Variants in RASSF6 observed in about 807,000 individuals in gnomAD.
The protein encoded by RASSF6 is ras association domain-containing protein 6.
Under a neutral mutation model 44.0 loss-of-function variants are expected in RASSF6, and 52 were observed. The observed-to-expected ratio is 1.18, with a 90% CI of 0.95 to 1.49. The LOEUF is 1.49. Ranked by LOEUF, RASSF6 falls within the 40% of genes most tolerant of loss-of-function variation. The pLI is 0.00. For synonymous variants in RASSF6, 162 were observed against 124.6 expected, an observed-to-expected ratio of 1.30 and a Z score of -2.00; for missense variants, 464 against 393.3, an observed-to-expected ratio of 1.18 and a Z score of -1.52.
Position 73,598,700 on chromosome 4 carries a change from TA to T in RASSF6, c.83del (p.Leu28TyrfsTer2). ...TFITREQLNS[L>X]LKTYNIFYEN... ...CATAAAAAATGTTATAGGTCTTCAA[TA>T]AAGAATTAAGTTGTTCCCTAAAAAT... On this transcript the variant is annotated frameshift_variant, in exon 3 of 11. Coordinates refer to ENST00000307439, the MANE Select transcript of RASSF6 (RefSeq NM_177532.5). LOFTEE classifies it high-confidence loss of function. 1 of 1,413,966 alleles carries T rather than the reference TA, an allele frequency of 7.1e-7. No individual in the cohort carries two copies. The highest frequency in any genetic ancestry group is 9.6e-7 in the Non-Finnish European group (1 of 1,038,358). 87.6% of individuals were successfully genotyped at this position (1,413,966 alleles called of 1,614,324 possible).
chr4:73,589,934 G>A (rs1012143959), intron 4 of RASSF6, among the ~76,000 whole-genome samples: 1 of 152,088 alleles, frequency 6.6e-6, no homozygotes, highest in South Asian at 2.1e-4. Flanking sequence ...CACCACTGAC[G>A]TTATTCAAAT....
rs530088734 is a variant in RASSF6, at chr4:73,597,179, A to G, written c.144+1461T>C. 3.9e-5 allele frequency among the ~76,000 whole-genome samples: 6 copies of G among 152,352 alleles called. No homozygotes were observed. In the East Asian group the frequency reaches 1.2e-3, roughly 29 times the overall value. On this transcript the variant is annotated intron_variant, in intron 3 of 10. Transcript: ENST00000307439. ...GCAAAAGAAACTATCAATAGAGTAAACAGACAATCTACAGAATGGGAGAAT... is the reference window on the plus strand; with the variant it reads ...GCAAAAGAAACTATCAATAGAGTAAGCAGACAATCTACAGAATGGGAGAAT...
At chr4:73,601,086 T>C (rs1725252110) in intron 2 of RASSF6, among the ~76,000 whole-genome samples, 2 of 152,236 alleles carry the variant, frequency 1.3e-5, no homozygotes, top group African/African-American at 2.4e-5. Context: ...CAGCTTCTGC[T>C]TCTGATAAAA....
intron 6 of RASSF6, among the ~76,000 whole-genome samples, chr4:73,583,890 G>T (rs1723866369): frequency 6.6e-6 from 1 of 152,076 alleles, no homozygotes; most frequent in South Asian, 2.1e-4. Context: ...AAGCTCCAGG[G>T]CCCAAGCATT....
upstream of RASSF6, chr4:73,620,526 C>A: frequency 6.7e-7 from 1 of 1,491,062 alleles, no homozygotes; most frequent in Non-Finnish European, 9.0e-7. Context: ...TTGCAGTGCC[C>A]CCGACGCGAT....
At chr4:73,611,487 T>C (rs1027701661) in intron 2 of RASSF6, among the ~76,000 whole-genome samples, 2 of 152,146 alleles carry the variant, frequency 1.3e-5, no homozygotes, top group African/African-American at 4.8e-5. Flanking sequence ...ATCCCAACTA[T>C]TAAAACAGAA....
intron 8 of RASSF6, among the ~76,000 whole-genome samples, chr4:73,579,978 C>T (rs1352894148): frequency 3.3e-5 from 5 of 150,706 alleles, no homozygotes; most frequent in African/African-American, 7.3e-5. Flanking sequence ...CCCACTAACT[C>T]GTCATCTAGC....
intron 5 of RASSF6, among the ~76,000 whole-genome samples, chr4:73,585,712 T>C (rs1226707233): frequency 6.6e-6 from 1 of 152,026 alleles, no homozygotes; most frequent in African/African-American, 2.4e-5. Flanking sequence ...AACCTGATAC[T>C]TTATCAGGTT....
At chr4:73,585,429 T>G in intron 5 of RASSF6, 65 bp from the exon 6 acceptor site, 1 of 1,071,628 alleles carries the variant, frequency 9.3e-7, no homozygotes, top group African/African-American at 1.6e-5. Flanking sequence ...CTGAGTGGAT[T>G]TGTGTATGCT....
At chr4:73,600,292 A>T (rs945815823) in intron 2 of RASSF6, among the ~76,000 whole-genome samples, 23 of 152,182 alleles carry the variant, frequency 1.5e-4, no homozygotes, top group African/African-American at 4.3e-4. Context: ...ACATAGCAGG[A>T]CAAATTCTGG....
At chr4:73,597,163 A>G (rs1724988691) in intron 3 of RASSF6, among the ~76,000 whole-genome samples, 1 of 152,222 alleles carries the variant, frequency 6.6e-6, no homozygotes, top group South Asian at 2.1e-4. Context: ...AGCAAAAGAA[A>G]CTATCAATAG....
intron 1 of RASSF6, chr4:73,615,803 G>T: frequency 1.9e-6 from 2 of 1,056,796 alleles, no homozygotes; most frequent in Non-Finnish European, 2.9e-6. Flanking sequence ...GCAGTGTTGG[G>T]CAGCATTAGC....
chr4:73,602,912 C>A (rs1725371693), intron 2 of RASSF6, among the ~76,000 whole-genome samples: 1 of 152,088 alleles, frequency 6.6e-6, no homozygotes. Context: ...CACGGTGAAA[C>A]CCCGTCTCTA....
intron 2 of RASSF6, among the ~76,000 whole-genome samples, chr4:73,610,402 A>G (rs915167144): frequency 1.3e-5 from 2 of 152,168 alleles, no homozygotes; most frequent in Non-Finnish European, 2.9e-5. Flanking sequence ...CAGCAGCTAG[A>G]CTGATATTGC....
chr4:73,598,655 A>T lies in RASSF6; in HGVS notation c.129T>A (p.His43Gln). 1 of 1,534,888 alleles carries T rather than the reference A, an allele frequency of 6.5e-7. No homozygotes were observed. Among genetic ancestry groups the T allele is most frequent in the Non-Finnish European group, 8.9e-7 (1 of 1,124,162 alleles). Residue 43 changes from histidine (H) to glutamine (Q), a missense_variant, in exon 3 of 11, where the codon CAT (histidine) becomes CAA (glutamine). Transcript: ENST00000307439. ...GTGGGCTTACCTCTCCATATAAAAT[A>T]TGCAGATTTTTCTGGTTCTCATAAA... is the stretch of plus-strand genomic sequence containing the variant. ...NIFYENQKNL[H>Q]ILYGETEDGK...
chr4:73,579,667 T>C (rs923069965), intron 8 of RASSF6, among the ~76,000 whole-genome samples: 1 of 152,132 alleles, frequency 6.6e-6, no homozygotes, highest in South Asian at 2.1e-4. Flanking sequence ...AGGAAATTAT[T>C]GGTATTATAG....
At position 73,571,788 on chromosome 4, in the gene RASSF6, AAT is replaced by A. The variant is rs1490518961; in HGVS notation, c.*4445_*4446del. The stretch of plus-strand genomic sequence containing the variant: ...TGACACATTCTTTACCATTAATAAT[AAT>A]ATATATTATCTAAAATTTAATTTGA... On this transcript the variant is annotated 3_prime_UTR_variant, in exon 11 of 11. Transcript: ENST00000307439. The A allele has an allele frequency of 6.6e-6, 1 of 152,028 alleles. No individual in the cohort carries two copies. Among genetic ancestry groups the A allele is most frequent in the Non-Finnish European group, 1.5e-5 (1 of 67,986 alleles). 9.4% of individuals were successfully genotyped at this position (152,028 alleles called of 1,614,324 possible).
intron 2 of RASSF6, among the ~76,000 whole-genome samples, chr4:73,601,414 A>G (rs1725270885): frequency 6.6e-6 from 1 of 152,234 alleles, no homozygotes; most frequent in South Asian, 2.1e-4. Flanking sequence ...GGCTCTTCGC[A>G]GAGAAAGTCT....
intron 1 of RASSF6, among the ~76,000 whole-genome samples, chr4:73,613,874 T>C (rs1726179658): frequency 6.6e-6 from 1 of 152,166 alleles, no homozygotes; most frequent in African/African-American, 2.4e-5. Flanking sequence ...TTCTCAGCCA[T>C]CCTTTCTTCT....
Sources: gnomAD v4.1 joint callset for allele counts (sites outside exome capture counted in the v4.1 genomes callset) on GRCh38, gnomAD v4.1.1 for gene constraint, MANE v1.5 for transcripts, NCBI Gene and HGNC (gene_info 2026-07-23, HGNC 2026-07-21) for gene names.